Variants in MGAT4C observed in about 807,000 individuals in gnomAD.
MGAT4C encodes MGAT4 family member C.
Under a neutral mutation model 40.1 loss-of-function variants are expected in MGAT4C, and 19 were observed. That is an observed-to-expected ratio of 0.47 (90% confidence interval 0.33 to 0.70). The LOEUF (loss-of-function observed/expected upper bound fraction) is 0.70. MGAT4C is among the 30% of genes least tolerant of loss of function. MGAT4C has a pLI of 0.02. For missense variants in MGAT4C, 491 were observed against 563.2 expected (o/e 0.87, Z 1.30); for synonymous variants, 181 against 187.1 (o/e 0.97, Z 0.27).
chr12:85,982,777 A>G (rs1223101405), intron 4 of MGAT4C, among the ~76,000 whole-genome samples: 1 of 152,174 alleles, frequency 6.6e-6, no homozygotes, highest in African/African-American at 2.4e-5. Context: ...TGCAGATATA[A>G]TTAGTTAAGG....
intron 1 of MGAT4C, among the ~76,000 whole-genome samples, chr12:86,177,543 T>G (rs1340562772): frequency 6.6e-6 from 1 of 152,066 alleles, no homozygotes; most frequent in Non-Finnish European, 1.5e-5. Context: ...GAAATAGAGG[T>G]GGGGCATAAA....
chr12:85,994,514 G>T (rs12298516), intron 2 of MGAT4C, among the ~76,000 whole-genome samples: 1 of 151,870 alleles, frequency 6.6e-6, no homozygotes, highest in African/African-American at 2.4e-5. Context: ...ACTGCAGGCC[G>T]TTAAAAATTA....
At chr12:86,319,590 C>T (rs1056668988) in intron 4 of MGAT4C, among the ~76,000 whole-genome samples, 3 of 152,154 alleles carry the variant, frequency 2.0e-5, no homozygotes, top group Admixed American at 2.0e-4. Context: ...TACTTGTTTG[C>T]TTTTCTCTCT....
At chr12:86,745,885 A>C (rs999138992) in intron 1 of MGAT4C, among the ~76,000 whole-genome samples, 1 of 151,716 alleles carries the variant, frequency 6.6e-6, no homozygotes, top group African/African-American at 2.4e-5. Context: ...TCAGGAACTT[A>C]AGCCAAACAA....
At chr12:86,835,858 CACACACACACAA>C (rs1050378952) in intron 1 of MGAT4C, among the ~76,000 whole-genome samples, 4 of 151,538 alleles carry the variant, frequency 2.6e-5, no homozygotes, top group Admixed American at 1.3e-4. Context: ...CCCCCCTCCA[CACACACACACAA>C]ACACACACAC....
chr12:86,696,298 T>A (rs541578972), intron 2 of MGAT4C, among the ~76,000 whole-genome samples: 1 of 152,238 alleles, frequency 6.6e-6, no homozygotes, highest in African/African-American at 2.4e-5. Flanking sequence ...TGTAGTGTGA[T>A]TATTACACAT....
At chr12:86,314,846 G>A (rs61950698) in intron 4 of MGAT4C, among the ~76,000 whole-genome samples, 12,940 of 152,142 alleles carry the variant, frequency 0.085, 768 homozygotes, top group Middle Eastern at 0.23. Flanking sequence ...GAAATCACAG[G>A]TTGCTTAAAC....
At chr12:86,748,283 A>G (rs1474910585) in intron 1 of MGAT4C, among the ~76,000 whole-genome samples, 1 of 151,642 alleles carries the variant, frequency 6.6e-6, no homozygotes, top group African/African-American at 2.4e-5. Flanking sequence ...TGTAACAAAC[A>G]GTTCTAATTG....
intron 2 of MGAT4C, among the ~76,000 whole-genome samples, chr12:86,685,698 T>A (rs951321409): frequency 1.3e-5 from 2 of 152,196 alleles, no homozygotes; most frequent in African/African-American, 2.4e-5. Context: ...GTGCCCTCTC[T>A]TATTTCTTTG....
chr12:86,651,966 C>T (rs1963710358), intron 2 of MGAT4C, among the ~76,000 whole-genome samples: 2 of 151,856 alleles, frequency 1.3e-5, no homozygotes, highest in Admixed American at 6.6e-5. Context: ...TGGGTGAAAA[C>T]ATCTGAAGAT....
At chr12:86,191,914 A>G (rs527991702) in intron 1 of MGAT4C, among the ~76,000 whole-genome samples, 3 of 150,622 alleles carry the variant, frequency 2.0e-5, no homozygotes, top group African/African-American at 4.9e-5. Flanking sequence ...CTATGCAGCC[A>G]TAAAAAAGGG....
At chr12:86,029,192 C>T (rs1890515375) in intron 2 of MGAT4C, among the ~76,000 whole-genome samples, 1 of 151,788 alleles carries the variant, frequency 6.6e-6, no homozygotes, top group South Asian at 2.1e-4. Context: ...TTACATCTTT[C>T]TAATTTTCAT....
At chr12:86,439,363 A>G (rs1957189397) in intron 2 of MGAT4C, among the ~76,000 whole-genome samples, 2 of 151,938 alleles carry the variant, frequency 1.3e-5, no homozygotes, top group Non-Finnish European at 2.9e-5. Context: ...TAAACAACCT[A>G]CTTCTGAACT....
rs558899614 is a variant in MGAT4C, at chr12:86,354,908, A to G, written c.-119-20781T>C. ...AGCAGCAGCAAGGTTTACTGTGAAG[A>G]GCAAAAGAACAAAGTTTCCACAGCA... On this transcript the variant is annotated intron_variant, in intron 3 of 7. Coordinates refer to the MGAT4C transcript ENST00000548651. 2.6e-5 allele frequency among the ~76,000 whole-genome samples: 4 copies of G among 152,220 alleles called. No homozygotes were observed. In the South Asian group the frequency reaches 8.3e-4, roughly 31 times the overall value.
chr12:86,198,916 G>C lies in MGAT4C; in HGVS notation c.-57+57323C>G, dbSNP rs187927035. On this transcript the variant is annotated intron_variant, in intron 1 of 4. Coordinates refer to ENST00000611864, the MANE Select transcript of MGAT4C (RefSeq NM_001351288.2). Reference sequence around the variant, plus strand: ...CGCTAGACTCAGATAGCTGTGTGGAGCAAATGCTCAAATCTGTGCCAGAAT... The same window carrying C: ...CGCTAGACTCAGATAGCTGTGTGGACCAAATGCTCAAATCTGTGCCAGAAT... Among the ~76,000 whole-genome samples, 3 of 152,270 alleles carry C rather than the reference G, an allele frequency of 2.0e-5. No individual in the cohort carries two copies. In the East Asian group the frequency reaches 5.8e-4, roughly 29 times the overall value.
Position 85,956,907 on chromosome 12 carries a change from G to C in MGAT4C, c.*22382C>G, listed in dbSNP as rs374445403. 2 of 149,132 alleles carry C rather than the reference G, an allele frequency of 1.3e-5. No homozygotes were observed. The allele number at this position is 149,132 out of a possible 1,614,324, so 9.2% of individuals were successfully genotyped here. A position where few individuals can be genotyped will look rare whatever the true frequency, so the allele number is the denominator to read the frequency against. On this transcript the variant is annotated 3_prime_UTR_variant, in exon 5 of 5. Transcript: ENST00000611864. ...GCTTTGTTGAATTGACACAAGCACA[G>C]AAATACACCAATAAGCACATACCAA...
At chr12:86,436,891 A>C (rs1957147502) in intron 2 of MGAT4C, among the ~76,000 whole-genome samples, 1 of 151,796 alleles carries the variant, frequency 6.6e-6, no homozygotes, top group Non-Finnish European at 1.5e-5. Context: ...TGTTATGTTA[A>C]AAATGTTTAA....
At chr12:86,801,341 G>C (rs554539174) in intron 1 of MGAT4C, among the ~76,000 whole-genome samples, 1 of 151,860 alleles carries the variant, frequency 6.6e-6, no homozygotes, top group Non-Finnish European at 1.5e-5. Flanking sequence ...TATCGAGAGC[G>C]TGTTGAGAAT....
chr12:86,631,865 A>G (rs1370991768), intron 2 of MGAT4C, among the ~76,000 whole-genome samples: 1 of 152,104 alleles, frequency 6.6e-6, no homozygotes, highest in African/African-American at 2.4e-5. Flanking sequence ...CATGTCTAAA[A>G]CACCAAAAGC....
Sources: gnomAD v4.1 joint callset for allele counts (sites outside exome capture counted in the v4.1 genomes callset) on GRCh38, gnomAD v4.1.1 for gene constraint, MANE v1.5 for transcripts, NCBI Gene and HGNC (gene_info 2026-07-23, HGNC 2026-07-21) for gene names.